The following ARPP21 variants were observed in gnomAD, a reference collection of about 807,000 sequenced individuals.
ARPP21 encodes cAMP-regulated phosphoprotein 21.
ARPP21 carries 69 observed loss-of-function variants against 113.2 expected under a neutral mutation model. That is an observed-to-expected ratio of 0.61 (90% confidence interval 0.50 to 0.74). The LOEUF (loss-of-function observed/expected upper bound fraction) is 0.74. Ranked by LOEUF, ARPP21 falls within the 30% of genes least tolerant of loss-of-function variation. The probability of loss-of-function intolerance (pLI) is 0.00; values close to 1 mark genes in which losing one functional copy is unlikely to be tolerated. For synonymous variants in ARPP21, 368 were observed against 375.5 expected, an observed-to-expected ratio of 0.98 and a Z score of 0.23; for missense variants, 1,070 against 1,037.4, an observed-to-expected ratio of 1.03 and a Z score of -0.43.
At chr3:35,672,799 A>G (rs1196583895) in intron 1 of ARPP21, among the ~76,000 whole-genome samples, 1 of 152,050 alleles carries the variant, frequency 6.6e-6, no homozygotes, top group Non-Finnish European at 1.5e-5. Context: ...TCAGCCAGCC[A>G]ACTTAACACT....
At position 35,690,978 on chromosome 3, in the gene ARPP21, T is replaced by C. The variant is rs1205855296; in HGVS notation, c.659T>C (p.Ile220Thr). Residue 220 changes from isoleucine to threonine, a missense_variant, in exon 9 of 21, where the codon ATC (isoleucine) becomes ACC (threonine). Transcript: ENST00000684406. ...HNVDQTGKSVIINKTSSTRIP... is the reference protein window; with the variant it reads ...HNVDQTGKSVTINKTSSTRIP... ...GTGGATCAAACAGGAAAATCTGTTA[T>C]CATCAACAAGACCAGCAGCACCAGA... The C allele has an allele frequency of 1.2e-6, 2 of 1,610,478 alleles. No individual in the cohort carries two copies. The highest frequency in any genetic ancestry group is 2.7e-5 in the African/African-American group (2 of 74,578).
At chr3:35,644,334 G>A (rs1699344612) in intron 1 of ARPP21, among the ~76,000 whole-genome samples, 1 of 151,772 alleles carries the variant, frequency 6.6e-6, no homozygotes, top group South Asian at 2.1e-4. Context: ...TGAAGTACAT[G>A]TTACTTGTAT....
chr3:35,732,878 C>T (rs1432124625), intron 15 of ARPP21, among the ~76,000 whole-genome samples: 1 of 152,092 alleles, frequency 6.6e-6, no homozygotes, highest in East Asian at 1.9e-4. Context: ...AAACTGCTTA[C>T]ACTTTTTTTT....
At chr3:35,736,504 A>G (rs1283284641) in intron 15 of ARPP21, among the ~76,000 whole-genome samples, 3 of 152,246 alleles carry the variant, frequency 2.0e-5, no homozygotes, top group African/African-American at 4.8e-5. Context: ...GAATAGCAGT[A>G]TTAATAATAG....
intron 1 of ARPP21, among the ~76,000 whole-genome samples, chr3:35,671,259 G>A (rs1445888596): frequency 2.0e-5 from 3 of 152,028 alleles, no homozygotes; most frequent in Non-Finnish European, 2.9e-5. Flanking sequence ...ATTCTCTTGC[G>A]TTTTCCATTT....
rs1314790477 is a variant in ARPP21, at chr3:35,760,680, TTTTGAAATTAAGCA to T, written c.2137+16716_2137+16729del. ...TGAAACCAAACTGAAACTTTAAAGATTTTGAAATTAAGCAGCCCATCATGGCACTGTGGATATTA... is the reference window on the plus strand; with the variant it reads ...TGAAACCAAACTGAAACTTTAAAGATGCCCATCATGGCACTGTGGATATTA... On this transcript the variant is annotated intron_variant, in intron 19 of 20. Transcript: ENST00000684406. Among the ~76,000 whole-genome samples, 14 of 152,178 alleles carry T rather than the reference TTTTGAAATTAAGCA, an allele frequency of 9.2e-5. No individual in the cohort carries two copies. The East Asian group carries it at 2.7e-3, about 30-fold the overall frequency.
At chr3:35,703,494 T>C (rs998607846) in intron 9 of ARPP21, among the ~76,000 whole-genome samples, 1 of 151,986 alleles carries the variant, frequency 6.6e-6, no homozygotes, top group African/African-American at 2.4e-5. Flanking sequence ...ACAGTAGTTA[T>C]GTGCTACAAA....
chr3:35,752,162 A>T (rs2095425818), intron 19 of ARPP21, among the ~76,000 whole-genome samples: 1 of 152,016 alleles, frequency 6.6e-6, no homozygotes, highest in Non-Finnish European at 1.5e-5. Context: ...AGATATAGGA[A>T]AGAATGGTGA....
At chr3:35,739,804 A>G (rs2094550656) in intron 18 of ARPP21, among the ~76,000 whole-genome samples, 1 of 152,224 alleles carries the variant, frequency 6.6e-6, no homozygotes. Flanking sequence ...CATGAAAACA[A>G]CAGGGGAATA....
At chr3:35,726,144 T>G (rs1576340664) in intron 14 of ARPP21, among the ~76,000 whole-genome samples, 1 of 152,242 alleles carries the variant, frequency 6.6e-6, no homozygotes, top group African/African-American at 2.4e-5. Context: ...ATATGCATAC[T>G]GTATAAATAT....
At chr3:35,650,926 G>A (rs1019719194) in intron 1 of ARPP21, among the ~76,000 whole-genome samples, 3 of 152,004 alleles carry the variant, frequency 2.0e-5, no homozygotes, top group African/African-American at 4.8e-5. Flanking sequence ...ACCAGCCTAC[G>A]TATTTAGAAT....
chr3:35,707,797 G>C (rs948658842), intron 10 of ARPP21, among the ~76,000 whole-genome samples: 1 of 151,844 alleles, frequency 6.6e-6, no homozygotes, highest in Non-Finnish European at 1.5e-5. Flanking sequence ...CTCTTCTTTA[G>C]ATTGGCGGGG....
In ARPP21 at chr3:35,675,664, T is replaced by C. The variant is rs570252333; in HGVS notation, c.-212-4123T>C. 4.4e-4 allele frequency among the ~76,000 whole-genome samples: 67 copies of C among 152,096 alleles called. No homozygotes were observed. The South Asian group carries it at 0.014, about 31-fold the overall frequency. ...TTTGTTGGTGAAAGCACATTGGCTG[T>C]ACATGCATTGATTCTGGTGGAGGTG... On this transcript the variant is annotated intron_variant, in intron 1 of 20. Transcript: ENST00000684406.
intron 11 of ARPP21, among the ~76,000 whole-genome samples, chr3:35,713,560 A>C (rs2091787291): frequency 6.6e-6 from 1 of 151,958 alleles, no homozygotes; most frequent in Non-Finnish European, 1.5e-5. Flanking sequence ...TGCCCCGCTA[A>C]TTTTTGTATT....
rs1575336513 is a variant in ARPP21 at position 35,642,115 on chromosome 3, T to C, written c.-213+1717T>C. The C allele has an allele frequency of 2.6e-5, 4 of 152,188 alleles. No individual in the cohort carries two copies. The South Asian group carries it at 8.3e-4, about 32-fold the overall frequency. 9.4% of individuals were successfully genotyped at this position (152,188 alleles called of 1,614,324 possible). A position where few individuals can be genotyped will look rare whatever the true frequency, so the allele number is the denominator to read the frequency against. ...TCCTCAGTGACTTAATTTCACTACA[T>C]GCTGATTTGTCCTTTGCAGTATTTA... On this transcript the variant is annotated intron_variant, in intron 1 of 20. Coordinates refer to ENST00000684406, the MANE Select transcript of ARPP21 (RefSeq NM_001385562.1).
At chr3:35,734,277 G>A (rs2094196182) in intron 15 of ARPP21, among the ~76,000 whole-genome samples, 1 of 152,104 alleles carries the variant, frequency 6.6e-6, no homozygotes, top group Admixed American at 6.5e-5. Context: ...ACACTAAATG[G>A]ACTTACACAT....
At chr3:35,757,265 G>T (rs1486047108) in intron 19 of ARPP21, among the ~76,000 whole-genome samples, 2 of 151,744 alleles carry the variant, frequency 1.3e-5, no homozygotes, top group African/African-American at 4.8e-5. Flanking sequence ...GTCTTGTTAT[G>T]TTGCCCAGGC....
rs2096795401 is a variant in ARPP21, at chr3:35,793,911, A to T, written c.2497A>T (p.Thr833Ser). The T allele has an allele frequency of 6.2e-7, 1 of 1,614,180 alleles. No individual in the cohort carries two copies. The highest frequency in any genetic ancestry group is 2.2e-5 in the East Asian group (1 of 44,874). Residue 833 changes from threonine (T) to serine (S), a missense_variant, in exon 21 of 21, where the codon ACA becomes TCA. Physicochemically the swap from Thr to Ser is moderately conservative, Grantham distance 58. Coordinates refer to ENST00000684406, the MANE Select transcript of ARPP21 (RefSeq NM_001385562.1). ...TVPVMSASCR[T>S]NCASMSNAGW... is the part of the protein sequence containing the mutation. Reference sequence around the variant, plus strand: ...CCCAGTGATGTCAGCTAGCTGCAGAACAAACTGTGCAAGTATGAGCAATGC... The same window carrying T: ...CCCAGTGATGTCAGCTAGCTGCAGATCAAACTGTGCAAGTATGAGCAATGC...
chr3:35,682,515 C>A, intron 3 of ARPP21: 1 of 242,382 alleles, frequency 4.1e-6, no homozygotes. Flanking sequence ...AACTAAACTA[C>A]AGAAGTGTTA....
Sources: gnomAD v4.1 joint callset for allele counts (sites outside exome capture counted in the v4.1 genomes callset) on GRCh38, gnomAD v4.1.1 for gene constraint, MANE v1.5 for transcripts, NCBI Gene and HGNC (gene_info 2026-07-23, HGNC 2026-07-21) for gene names.